Variants in ZNF235 observed in about 807,000 individuals in gnomAD.
ZNF235 encodes zfp-93.
ZNF235 carries 25 observed loss-of-function variants against 29.4 expected under a neutral mutation model. The observed-to-expected ratio is 0.85, with a 90% CI of 0.62 to 1.19. ZNF235 has a LOEUF of 1.19. Among genes scored for constraint, ZNF235 ranks in the 50% most tolerant of loss-of-function variants. The pLI is 0.00. For synonymous variants in ZNF235, 300 were observed against 295.3 expected (o/e 1.02, Z -0.16); for missense variants, 788 against 885.0 (o/e 0.89, Z 1.39).
rs774413289 is a variant in ZNF235, at chr19:44,303,470, A to T, written c.-48-18T>A. The T allele has an allele frequency of 4.3e-5, 68 of 1,593,662 alleles. 1 individual carries two copies. In the South Asian group the frequency reaches 7.1e-4, roughly 17 times the overall value. ...AAGTGAACCTGAGGGAGGGAAAGGC[A>T]TCATGAGATAGGTTAGGGATGGCAT... On this transcript the variant is annotated intron_variant, in intron 1 of 4. Transcript: ENST00000291182.
At chr19:44,300,509 T>C (rs1975720790) in intron 2 of ZNF235, among the ~76,000 whole-genome samples, 1 of 152,158 alleles carries the variant, frequency 6.6e-6, no homozygotes. Context: ...AACATATTTT[T>C]ACATAGATCT....
rs1975531214 is a variant in ZNF235, at chr19:44,288,491, C to A, written c.944G>T (p.Gly315Val). 6.2e-7 allele frequency: 1 copy of A among 1,614,114 alleles called. No individual in the cohort carries two copies. The highest frequency in any genetic ancestry group is 8.5e-7 in the Non-Finnish European group (1 of 1,180,012). Reference sequence around the variant, plus strand: ...TTCATGACACCAATAGCGTTTTTTCCCAGTACGAACACTTTGTTGAACAGG... The same window carrying A: ...TTCATGACACCAATAGCGTTTTTTCACAGTACGAACACTTTGTTGAACAGG... ...GIPVQQSVRT[G>V]KKRYWCHECG... Residue 315 changes from glycine (G) to valine (V), a missense_variant, in exon 5 of 5, where the codon GGG becomes GTG. By Grantham distance (109) the Gly-to-Val change is moderately radical (BLOSUM62 -3). Coordinates refer to ENST00000291182, the MANE Select transcript of ZNF235 (RefSeq NM_004234.4).
At chr19:44,300,692 T>C (rs1975723586) in intron 2 of ZNF235, among the ~76,000 whole-genome samples, 1 of 151,610 alleles carries the variant, frequency 6.6e-6, no homozygotes, top group Non-Finnish European at 1.5e-5. Context: ...ATACAAAAAT[T>C]AGTTGGGCAT....
rs775182846 is a variant in ZNF235, at chr19:44,298,840, T to C, written c.206A>G (p.Lys69Arg). The C allele has an allele frequency of 6.2e-7, 1 of 1,614,068 alleles. No homozygotes were observed. The highest frequency in any genetic ancestry group is 2.2e-5 in the East Asian group (1 of 44,884). ...CTTACCTCTTTGGGTTTGAAGCTCC[T>C]TCATCCAAAGCTTTTCTTCCCTCTC... ...QLEREEKLWM[K>R]ELQTQRGKHS... Residue 69 changes from lysine (K) to arginine (R), a missense_variant, in exon 4 of 5, where the codon AAG (lysine) becomes AGG (arginine). By Grantham distance (26) the Lys-to-Arg change is conservative. Coordinates refer to ENST00000291182, the MANE Select transcript of ZNF235 (RefSeq NM_004234.4).
intron 1 of ZNF235, among the ~76,000 whole-genome samples, chr19:44,304,379 C>T (rs1975799746): frequency 6.6e-6 from 1 of 152,166 alleles, no homozygotes; most frequent in Admixed American, 6.5e-5. Context: ...ATTCCCCAGG[C>T]TCCGCTGGAA....
Position 44,287,088 on chromosome 19 carries a change from A to G in ZNF235, c.*130T>C. On this transcript the variant is annotated 3_prime_UTR_variant, in exon 5 of 5. Transcript: ENST00000291182. Reference sequence around the variant, plus strand: ...CCAAGTCTAAAACACAGCATTTGAGAGACTTCTTTCCTGTCAAGATTCTTT... The same window carrying G: ...CCAAGTCTAAAACACAGCATTTGAGGGACTTCTTTCCTGTCAAGATTCTTT... The G allele has an allele frequency of 2.1e-6, 2 of 938,108 alleles. No homozygotes were observed. The highest frequency in any genetic ancestry group is 2.6e-5 in the East Asian group (1 of 39,146). The allele number at this position is 938,108 out of a possible 1,614,324, so 58.1% of individuals were successfully genotyped here. A position where few individuals can be genotyped will look rare whatever the true frequency, so the allele number is the denominator to read the frequency against.
rs1975506433 is a variant in ZNF235, at chr19:44,287,585, T to C, written c.1850A>G (p.His617Arg). 6.2e-7 allele frequency: 1 copy of C among 1,614,092 alleles called. No individual in the cohort carries two copies. Among genetic ancestry groups the C allele is most frequent in the African/African-American group, 1.3e-5 (1 of 74,940 alleles). Residue 617 changes from histidine to arginine, a missense_variant, in exon 5 of 5, where the codon CAT becomes CGT. By Grantham distance (29) the His-to-Arg change is conservative (BLOSUM62 0). Coordinates refer to ENST00000291182, the MANE Select transcript of ZNF235 (RefSeq NM_004234.4). The stretch of plus-strand genomic sequence containing the variant: ...TTTCTCTCCGGTGTGGACTCTCTGA[T>C]GGGCTTGAAGGTGTGAGGCCTGACT... The part of the protein sequence containing the change: ...RFSQASHLQA[H>R]QRVHTGEKPY...
At position 44,288,489 on chromosome 19, in the gene ZNF235, T is replaced by TC; in HGVS notation, c.945dup (p.Lys316GlufsTer8). 3 of 1,614,220 alleles carry TC rather than the reference T, an allele frequency of 1.9e-6. No homozygotes were observed. The highest frequency in any genetic ancestry group is 2.5e-6 in the Non-Finnish European group (3 of 1,180,032). On this transcript the variant is annotated frameshift_variant, in exon 5 of 5. Transcript: ENST00000291182. LOFTEE classifies it low-confidence loss of function (END_TRUNC). ...CATTCATGACACCAATAGCGTTTTTTCCCAGTACGAACACTTTGTTGAACA... is the reference window on the plus strand; with the variant it reads ...CATTCATGACACCAATAGCGTTTTTTCCCCAGTACGAACACTTTGTTGAACA...
At chr19:44,301,471 C>CTTTT (rs199636863) in intron 2 of ZNF235, among the ~76,000 whole-genome samples, 1 of 147,184 alleles carries the variant, frequency 6.8e-6, no homozygotes. Context: ...TGAATAGTCT[C>CTTTT]TTTTTTTTTT....
chr19:44,288,971 T>C lies in ZNF235; in HGVS notation c.464A>G (p.Asp155Gly). The C allele has an allele frequency of 1.9e-6, 3 of 1,613,914 alleles. No homozygotes were observed. The highest frequency in any genetic ancestry group is 2.5e-6 in the Non-Finnish European group (3 of 1,179,812). ...CCCTATGTGATTCACTAGACAGTTG[T>C]CATCCACAGAAGCTTGAATAGATTC... Reference protein sequence around the residue: ...AGESIQASVDDNCLVNHIGDH... With the variant: ...AGESIQASVDGNCLVNHIGDH... Residue 155 changes from aspartate to glycine, a missense_variant, in exon 5 of 5, where the codon GAC becomes GGC. Transcript: ENST00000291182.
In ZNF235 at chr19:44,288,221, C is replaced by G. The variant is rs945216653; in HGVS notation, c.1214G>C (p.Cys405Ser). 1 of 1,614,168 alleles carries G rather than the reference C, an allele frequency of 6.2e-7. No individual in the cohort carries two copies. The highest frequency in any genetic ancestry group is 1.7e-5 in the Admixed American group (1 of 60,010). ...AGTGAAGCCCTTCCCACACACCTCACATTTATAAGGTTTCTCTCCAGTGTG... is the reference window on the plus strand; with the variant it reads ...AGTGAAGCCCTTCCCACACACCTCAGATTTATAAGGTTTCTCTCCAGTGTG... ...RVHTGEKPYK[C>S]EVCGKGFTQR... Residue 405 changes from cysteine (C) to serine (S), a missense_variant, in exon 5 of 5, where the codon TGT becomes TCT. Coordinates refer to ENST00000291182, the MANE Select transcript of ZNF235 (RefSeq NM_004234.4).
At chr19:44,303,905 T>C (rs1975792404) in intron 1 of ZNF235, among the ~76,000 whole-genome samples, 1 of 152,254 alleles carries the variant, frequency 6.6e-6, no homozygotes, top group Admixed American at 6.5e-5. Context: ...CTGCAGCTTC[T>C]GACAAGCAAG....
chr19:44,304,471 G>A (rs1235079857), intron 1 of ZNF235, among the ~76,000 whole-genome samples: 1 of 152,174 alleles, frequency 6.6e-6, no homozygotes, highest in East Asian at 1.9e-4. Flanking sequence ...ATTAGAGAAG[G>A]GACAGCGGCT....
At chr19:44,296,893 C>T (rs1377213162) in intron 4 of ZNF235, among the ~76,000 whole-genome samples, 1 of 152,080 alleles carries the variant, frequency 6.6e-6, no homozygotes, top group Non-Finnish European at 1.5e-5. Context: ...AATACACATA[C>T]AACCAATAGA....
chr19:44,299,648 G>A lies in ZNF235; in HGVS notation c.100C>T (p.Arg34Ter), dbSNP rs1178915589. The A allele has an allele frequency of 3.1e-6, 5 of 1,613,920 alleles. No individual in the cohort carries two copies. Among genetic ancestry groups the A allele is most frequent in the African/African-American group, 1.3e-5 (1 of 74,872 alleles). ...LLDSAQRKLYRDVMLENFRNL... is the reference protein window; with the variant it reads ...LLDSAQRKLY ...CTAAAGTTCTCCAGCATCACATCTCGGTACAGCTTCCTCTGGGCAGAGTCC... is the reference window on the plus strand; with the variant it reads ...CTAAAGTTCTCCAGCATCACATCTCAGTACAGCTTCCTCTGGGCAGAGTCC... Residue 34 changes from arginine to a stop codon, truncating the protein, a stop_gained, in exon 3 of 5, where the codon CGA (arginine) becomes TGA (stop). Coordinates refer to ENST00000291182, the MANE Select transcript of ZNF235 (RefSeq NM_004234.4). LOFTEE classifies it high-confidence loss of function.
Position 44,288,184 on chromosome 19 carries a change from A to G in ZNF235, c.1251T>C (p.His417=). Residue 417 remains histidine (H), a synonymous_variant, in exon 5 of 5, where the codon CAT becomes CAC. Transcript: ENST00000291182. ...VCGKGFTQRS[H]LQAHERIHTG... is the part of the protein sequence containing the mutation. Reference sequence around the variant, plus strand: ...TGTGAATTCTTTCATGGGCCTGAAGATGTGATCTCTGAGTGAAGCCCTTCC... The same window carrying G: ...TGTGAATTCTTTCATGGGCCTGAAGGTGTGATCTCTGAGTGAAGCCCTTCC... 4 of 1,613,990 alleles carry G rather than the reference A, an allele frequency of 2.5e-6. No homozygotes were observed. Among genetic ancestry groups the G allele is most frequent in the Non-Finnish European group, 3.4e-6 (4 of 1,179,986 alleles).
At chr19:44,304,827 G>A in intron 1 of ZNF235, 144 bp downstream of exon 1, 1 of 985,456 alleles carries the variant, frequency 1.0e-6, no homozygotes, top group Non-Finnish European at 1.2e-6. Flanking sequence ...CTGCCGAGGG[G>A]ACGCAAACTC....
chr19:44,299,305 C>A (rs187156927), intron 3 of ZNF235, among the ~76,000 whole-genome samples: 1 of 152,022 alleles, frequency 6.6e-6, no homozygotes, highest in Non-Finnish European at 1.5e-5. Flanking sequence ...AAAAGATATA[C>A]GAAATAAGGA....
intron 1 of ZNF235, 171 bp downstream of exon 1, chr19:44,304,800 C>T (rs1975807345): frequency 3.0e-6 from 3 of 985,376 alleles, no homozygotes; most frequent in Admixed American, 1.2e-4. Flanking sequence ...GCGAGCCCGC[C>T]TCCCACGCAA....
Sources: gnomAD v4.1 joint callset for allele counts (sites outside exome capture counted in the v4.1 genomes callset) on GRCh38, gnomAD v4.1.1 for gene constraint, MANE v1.5 for transcripts, NCBI Gene and HGNC (gene_info 2026-07-23, HGNC 2026-07-21) for gene names.